The following NKAIN3 variants were observed in gnomAD, a reference collection of about 807,000 sequenced individuals.
The protein encoded by NKAIN3 is sodium/potassium-transporting ATPase subunit beta-1-interacting protein 3.
A neutral mutation model predicts 30.2 loss-of-function variants in NKAIN3; 25 were observed. The observed-to-expected ratio is 0.83, with a 90% confidence interval of 0.60 to 1.16. The LOEUF (loss-of-function observed/expected upper bound fraction) is 1.16. Ranked by LOEUF, NKAIN3 falls within the 50% of genes most tolerant of loss-of-function variation. The probability of loss-of-function intolerance (pLI) is 0.00; values close to 1 mark genes in which losing one functional copy is unlikely to be tolerated. For missense variants in NKAIN3, 225 were observed against 254.1 expected (o/e 0.89, Z 0.78); for synonymous variants, 91 against 89.6 (o/e 1.02, Z -0.09).
intron 3 of NKAIN3, among the ~76,000 whole-genome samples, chr8:62,665,649 A>C (rs1016191697): frequency 6.6e-6 from 1 of 152,182 alleles, no homozygotes; most frequent in African/African-American, 2.4e-5. Flanking sequence ...GTATTTATGA[A>C]GTTCATAGAT....
chr8:62,781,856 G>GA (rs1817361941), intron 4 of NKAIN3, among the ~76,000 whole-genome samples: 2 of 151,992 alleles, frequency 1.3e-5, no homozygotes, highest in African/African-American at 2.4e-5. Context: ...AGAACACATA[G>GA]AAAAAACTCT....
intron 1 of NKAIN3, among the ~76,000 whole-genome samples, chr8:62,254,010 G>A (rs2129387086): frequency 6.6e-6 from 1 of 152,194 alleles, no homozygotes; most frequent in Non-Finnish European, 1.5e-5. Context: ...TAAAGTTAGT[G>A]AAACTTAAAG....
intron 4 of NKAIN3, among the ~76,000 whole-genome samples, chr8:62,884,233 C>T (rs1821075702): frequency 6.6e-6 from 1 of 151,518 alleles, no homozygotes; most frequent in African/African-American, 2.4e-5. Context: ...TACCCTCTGC[C>T]TCTATTTTCT....
chr8:62,262,075 T>C (rs371164060), intron 1 of NKAIN3, among the ~76,000 whole-genome samples: 2 of 152,142 alleles, frequency 1.3e-5, no homozygotes, highest in East Asian at 3.9e-4. Context: ...GTCAAACCTG[T>C]TGTGAAGAGT....
rs1462272518 is a variant in NKAIN3 at position 62,744,050 on chromosome 8, A to T, written c.274-2882A>T. Among the ~76,000 whole-genome samples, 5 of 152,262 alleles carry T rather than the reference A, an allele frequency of 3.3e-5. No homozygotes were observed. The East Asian group carries it at 9.7e-4, about 29-fold the overall frequency. On this transcript the variant is annotated intron_variant, in intron 3 of 6. Transcript: ENST00000623646. The stretch of plus-strand genomic sequence containing the variant: ...GGTTCTGGTTCGTTCTGGTTCTATG[A>T]CCTGTCTTAGGGAAGAGGAATACTA...
At chr8:62,491,881 A>G (rs955783795) in intron 1 of NKAIN3, among the ~76,000 whole-genome samples, 4 of 152,128 alleles carry the variant, frequency 2.6e-5, no homozygotes, top group Non-Finnish European at 4.4e-5. Flanking sequence ...AGAGAAGCCC[A>G]TAAAGACACC....
chr8:62,664,743 C>A (rs138426987), intron 3 of NKAIN3, among the ~76,000 whole-genome samples: 3 of 152,130 alleles, frequency 2.0e-5, no homozygotes, highest in Non-Finnish European at 2.9e-5. Flanking sequence ...TCTTCTCCCC[C>A]CTATGCATCT....
intron 3 of NKAIN3, among the ~76,000 whole-genome samples, chr8:62,620,536 A>T (rs1049962945): frequency 1.3e-5 from 2 of 152,156 alleles, no homozygotes; most frequent in Non-Finnish European, 2.9e-5. Flanking sequence ...TTTCAAATAT[A>T]TGCTAATTTA....
intron 1 of NKAIN3, among the ~76,000 whole-genome samples, chr8:62,289,725 G>A (rs998666325): frequency 3.3e-5 from 5 of 152,076 alleles, no homozygotes; most frequent in Admixed American, 6.6e-5. Flanking sequence ...TGGCAATGTG[G>A]GCTATTTTTG....
intron 1 of NKAIN3, among the ~76,000 whole-genome samples, chr8:62,426,429 TCA>T (rs1242382332): frequency 6.6e-6 from 1 of 152,012 alleles, no homozygotes; most frequent in Non-Finnish European, 1.5e-5. Context: ...CCAAACAGCA[TCA>T]TCTTAAACTA....
In NKAIN3 at chr8:62,395,208, A is replaced by G. The variant is rs555744595; in HGVS notation, c.54+146081A>G. ...CAGCGGACGGGCAGCAGCGCCCCTC[A>G]CTTCCCAGACCGAGGGAGGTGCGGG... is the stretch of plus-strand genomic sequence containing the variant. On this transcript the variant is annotated intron_variant, in intron 1 of 6. Transcript: ENST00000623646. Among the ~76,000 whole-genome samples the G allele has an allele frequency of 1.9e-3, 281 of 145,214 alleles. 1 individual carries two copies. The highest frequency in any genetic ancestry group is 7.0e-3 in the African/African-American group (270 of 38,846).
Position 62,865,617 on chromosome 8 carries a change from C to T in NKAIN3, c.472-52836C>T, listed in dbSNP as rs1820393559. On this transcript the variant is annotated intron_variant, in intron 4 of 6. Transcript: ENST00000623646. The stretch of plus-strand genomic sequence containing the variant: ...ATTTTTTTAATGAGAAATACTTTCC[C>T]CTTTGTGTTTTGGCAGGGTTTGTGA... 2.0e-5 allele frequency among the ~76,000 whole-genome samples: 3 copies of T among 152,064 alleles called. No homozygotes were observed. In the South Asian group the frequency reaches 6.2e-4, roughly 32 times the overall value.
intron 1 of NKAIN3, among the ~76,000 whole-genome samples, chr8:62,283,479 C>T (rs1813270747): frequency 6.6e-6 from 1 of 152,126 alleles, no homozygotes; most frequent in Non-Finnish European, 1.5e-5. Flanking sequence ...AGTTCTTTCA[C>T]AGGATCCCTT....
At chr8:62,434,034 C>T (rs947788187) in intron 1 of NKAIN3, among the ~76,000 whole-genome samples, 6 of 152,128 alleles carry the variant, frequency 3.9e-5, no homozygotes, top group African/African-American at 1.4e-4. Context: ...AACCGTTTGT[C>T]CTCATGGAGC....
intron 2 of NKAIN3, among the ~76,000 whole-genome samples, chr8:62,583,217 C>A: frequency 6.6e-6 from 1 of 152,024 alleles, no homozygotes; most frequent in Non-Finnish European, 1.5e-5. Flanking sequence ...CAGAGTCCAC[C>A]CATGATGAAA....
chr8:62,668,535 T>C (rs562012399), intron 3 of NKAIN3, among the ~76,000 whole-genome samples: 7 of 152,306 alleles, frequency 4.6e-5, no homozygotes, highest in Middle Eastern at 3.4e-3. Context: ...ACCATGCATG[T>C]TGTCTTCCTA....
intron 1 of NKAIN3, among the ~76,000 whole-genome samples, chr8:62,572,849 G>A (rs1809990434): frequency 6.6e-6 from 1 of 152,186 alleles, no homozygotes; most frequent in African/African-American, 2.4e-5. Flanking sequence ...GGAGCTACAA[G>A]ATGAGATTTG....
intron 1 of NKAIN3, among the ~76,000 whole-genome samples, chr8:62,513,236 T>A (rs1201745456): frequency 6.6e-6 from 1 of 151,702 alleles, no homozygotes; most frequent in Non-Finnish European, 1.5e-5. Flanking sequence ...GATAAATAGA[T>A]GCCTCACACC....
chr8:62,266,518 A>G (rs1377816150), intron 1 of NKAIN3, among the ~76,000 whole-genome samples: 4 of 152,228 alleles, frequency 2.6e-5, no homozygotes, highest in African/African-American at 9.6e-5. Context: ...GAAACGTAGC[A>G]TGAGTTAGTT....
Sources: gnomAD v4.1 joint callset for allele counts (sites outside exome capture counted in the v4.1 genomes callset) on GRCh38, gnomAD v4.1.1 for gene constraint, MANE v1.5 for transcripts, NCBI Gene and HGNC (gene_info 2026-07-23, HGNC 2026-07-21) for gene names.